SGCD: variants seen among roughly 807,000 people sequenced by gnomAD.
SGCD encodes the protein sarcoglycan delta, also known as delta-sarcoglycan.
Under a neutral mutation model 36.6 loss-of-function variants are expected in SGCD, and 18 were observed. The ratio of observed to expected loss-of-function variants is 0.49; its 90% confidence interval spans 0.34 to 0.73. The LOEUF is 0.73. Ranked by LOEUF, SGCD falls within the 30% of genes least tolerant of loss-of-function variation. The pLI is 0.01. For synonymous variants in SGCD, 133 were observed against 130.6 expected (o/e 1.02, Z -0.12); for missense variants, 387 against 346.7 (o/e 1.12, Z -0.92).
chr5:155,915,068 G>A (rs1756708145), intron 1 of SGCD, among the ~76,000 whole-genome samples: 1 of 152,106 alleles, frequency 6.6e-6, no homozygotes, highest in Admixed American at 6.6e-5. Flanking sequence ...AATAGAAGAT[G>A]CAATCCCTGC....
At chr5:156,735,392 G>C (rs1756302636) in intron 7 of SGCD, among the ~76,000 whole-genome samples, 1 of 152,076 alleles carries the variant, frequency 6.6e-6, no homozygotes, top group Non-Finnish European at 1.5e-5. Flanking sequence ...GCCTCTGGGA[G>C]CTCTGTCCCA....
At chr5:156,562,061 T>C (rs549352597) in intron 4 of SGCD, among the ~76,000 whole-genome samples, 1 of 152,276 alleles carries the variant, frequency 6.6e-6, no homozygotes, top group South Asian at 2.1e-4. Context: ...TACTGAACAC[T>C]TATAATGTAC....
At chr5:156,166,616 A>G (rs1349514167) in intron 3 of SGCD, among the ~76,000 whole-genome samples, 2 of 152,188 alleles carry the variant, frequency 1.3e-5, no homozygotes, top group East Asian at 1.9e-4. Context: ...CACCGTGCCC[A>G]GCCCTCCATA....
At chr5:156,104,734 T>C (rs567950452) in intron 1 of SGCD, among the ~76,000 whole-genome samples, 19 of 152,328 alleles carry the variant, frequency 1.2e-4, no homozygotes, top group African/African-American at 4.1e-4. Context: ...TATAGCAAAA[T>C]TGATAAAATC....
intron 1 of SGCD, among the ~76,000 whole-genome samples, chr5:156,072,050 A>G (rs10476272): frequency 0.5 from 76,374 of 151,994 alleles, 23,470 homozygotes; most frequent in African/African-American, 0.86. Context: ...GGTTTCCTCA[A>G]TACAGCACAC....
At chr5:156,258,545 A>T (rs565483660) in intron 3 of SGCD, among the ~76,000 whole-genome samples, 24 of 152,204 alleles carry the variant, frequency 1.6e-4, no homozygotes, top group Non-Finnish European at 3.2e-4. Context: ...GATTGTCTAA[A>T]AAATGGCTAT....
At chr5:156,330,221 A>G (rs988206926) in intron 2 of SGCD, among the ~76,000 whole-genome samples, 2 of 152,116 alleles carry the variant, frequency 1.3e-5, no homozygotes, top group African/African-American at 4.8e-5. Context: ...CTGAATGGTA[A>G]GTATAATGCA....
intron 2 of SGCD, among the ~76,000 whole-genome samples, chr5:156,336,292 A>G (rs1768350812): frequency 6.6e-6 from 1 of 152,078 alleles, no homozygotes; most frequent in Non-Finnish European, 1.5e-5. Flanking sequence ...TCGTTCTCAG[A>G]TCTCTCTGGG....
the SGCD span, among the ~76,000 whole-genome samples, chr5:155,842,253 T>G: frequency 1.3e-5 from 2 of 150,914 alleles, no homozygotes; most frequent in South Asian, 2.1e-4. Flanking sequence ...GGTGTTTTTT[T>G]TTTTTTTTTT....
chr5:155,788,712 T>A, the SGCD span, among the ~76,000 whole-genome samples: 1 of 152,138 alleles, frequency 6.6e-6, no homozygotes, highest in Non-Finnish European at 1.5e-5. Flanking sequence ...GTGTGGACAA[T>A]GGAAATATAA....
At chr5:156,366,404 A>C (rs959515797) in intron 3 of SGCD, among the ~76,000 whole-genome samples, 1 of 152,210 alleles carries the variant, frequency 6.6e-6, no homozygotes, top group African/African-American at 2.4e-5. Context: ...CATAGATAGA[A>C]AGATTTTAAA....
At chr5:155,929,183 A>G (rs868622234) in intron 1 of SGCD, among the ~76,000 whole-genome samples, 1 of 152,124 alleles carries the variant, frequency 6.6e-6, no homozygotes, top group Non-Finnish European at 1.5e-5. Context: ...TTTTACTCTC[A>G]TACTTGAAAT....
chr5:156,636,606 CT>C (rs1356068397), intron 6 of SGCD, among the ~76,000 whole-genome samples: 2 of 152,068 alleles, frequency 1.3e-5, no homozygotes, highest in Non-Finnish European at 2.9e-5. Context: ...TGACCTGGGC[CT>C]TATAGGATTT....
intron 1 of SGCD, among the ~76,000 whole-genome samples, chr5:155,896,207 C>G (rs980258348): frequency 3.3e-5 from 5 of 152,132 alleles, no homozygotes; most frequent in African/African-American, 1.2e-4. Context: ...CTGGAATGGA[C>G]AGGCAAAGGA....
intron 3 of SGCD, among the ~76,000 whole-genome samples, chr5:156,203,151 C>T (rs1027268612): frequency 3.3e-5 from 5 of 152,080 alleles, no homozygotes; most frequent in Non-Finnish European, 7.4e-5. Context: ...ATTTGGAATG[C>T]AAATCCACAT....
At chr5:156,235,687 T>G (rs1765141684) in intron 3 of SGCD, among the ~76,000 whole-genome samples, 1 of 152,256 alleles carries the variant, frequency 6.6e-6, no homozygotes, top group Non-Finnish European at 1.5e-5. Context: ...TTACATACTT[T>G]AGTCTTAGAA....
the SGCD span, among the ~76,000 whole-genome samples, chr5:155,793,720 T>C: frequency 6.6e-6 from 1 of 151,824 alleles, no homozygotes; most frequent in Admixed American, 6.6e-5. Flanking sequence ...TTTTGTATTT[T>C]GTATTTTTAG....
At chr5:156,402,589 G>T (rs969926887) in intron 3 of SGCD, among the ~76,000 whole-genome samples, 3 of 152,182 alleles carry the variant, frequency 2.0e-5, no homozygotes, top group Non-Finnish European at 4.4e-5. Context: ...TGGCCCTCTA[G>T]GTGCACATGT....
the SGCD span, among the ~76,000 whole-genome samples, chr5:155,843,298 C>G: frequency 6.6e-6 from 1 of 151,992 alleles, no homozygotes; most frequent in African/African-American, 2.4e-5. Flanking sequence ...AATCAGGTGG[C>G]CTATTTCCTT....
Sources: gnomAD v4.1 joint callset for allele counts (sites outside exome capture counted in the v4.1 genomes callset) on GRCh38, gnomAD v4.1.1 for gene constraint, MANE v1.5 for transcripts, NCBI Gene and HGNC (gene_info 2026-07-23, HGNC 2026-07-21) for gene names.